The following EDARADD variants were observed in gnomAD, a reference collection of about 807,000 sequenced individuals.
The protein encoded by EDARADD is ectodysplasin-A receptor-associated adapter protein.
In EDARADD, 20 loss-of-function variants were observed where a neutral mutation model predicts 25.6. The observed-to-expected ratio is 0.78, with a 90% CI of 0.55 to 1.14. EDARADD has a LOEUF of 1.14. EDARADD is among the 50% of genes most tolerant of loss of function. The probability of loss-of-function intolerance (pLI) is 0.00; values close to 1 mark genes in which losing one functional copy is unlikely to be tolerated. For synonymous variants in EDARADD, 86 were observed against 94.4 expected (o/e 0.91, Z 0.52); for missense variants, 225 against 270.1 (o/e 0.83, Z 1.17).
In EDARADD at chr1:236,394,398, T is replaced by C. The variant is rs746558281; in HGVS notation, c.-47T>C. The C allele has an allele frequency of 1.9e-5, 31 of 1,607,672 alleles. No individual in the cohort carries two copies. The highest frequency in any genetic ancestry group is 2.6e-5 in the Non-Finnish European group (31 of 1,174,142). Reference sequence around the variant, plus strand: ...GCATCTTCTCGCAATCTGTTGCTTCTTCCATGGCAAACTCCAGAGAATTAA... The same window carrying C: ...GCATCTTCTCGCAATCTGTTGCTTCCTCCATGGCAAACTCCAGAGAATTAA... On this transcript the variant is annotated 5_prime_UTR_variant, in exon 1 of 6. Coordinates refer to ENST00000334232, the MANE Select transcript of EDARADD (RefSeq NM_145861.4).
intron 4 of EDARADD, among the ~76,000 whole-genome samples, chr1:236,467,168 T>C (rs1402539212): frequency 6.6e-6 from 1 of 151,538 alleles, no homozygotes; most frequent in Admixed American, 6.6e-5. Flanking sequence ...AGAGGCACTT[T>C]AGAGCTGAGC....
intron 3 of EDARADD, among the ~76,000 whole-genome samples, chr1:236,363,006 A>AATATATATATATAT (rs1184705463): frequency 4.9e-4 from 21 of 42,940 alleles, no homozygotes; most frequent in African/African-American, 1.0e-3. Context: ...AAAAAAAAAA[A>AATATATATATATAT]ATATATATAT....
Position 236,480,096 on chromosome 1 carries a change from CATATAT to C in EDARADD, c.266-2136_266-2131del, listed in dbSNP as rs72215388. On this transcript the variant is annotated intron_variant, in intron 5 of 5. Transcript: ENST00000334232. ...ATCTCAGTGTGCCTTTTAAGTATGC[CATATAT>C]ATATATATATATATATATATATATA... Among the ~76,000 whole-genome samples the C allele has an allele frequency of 4.2e-3, 326 of 77,826 alleles. 2 individuals are homozygous for C. Among genetic ancestry groups the C allele is most frequent in the Middle Eastern group, 0.019 (3 of 154 alleles). The allele number at this position is 77,826 out of a possible 152,430, so 51.1% of individuals were successfully genotyped here.
At chr1:236,416,367 A>G (rs563007538) in intron 3 of EDARADD, among the ~76,000 whole-genome samples, 12 of 152,352 alleles carry the variant, frequency 7.9e-5, no homozygotes, top group African/African-American at 2.9e-4. Flanking sequence ...ACTGTCTTAG[A>G]AAAAGACGGA....
intron 4 of EDARADD, among the ~76,000 whole-genome samples, chr1:236,441,354 T>G (rs1014611926): frequency 6.9e-5 from 10 of 144,184 alleles, no homozygotes. Context: ...TAAATATAAA[T>G]ATATATTTAT....
intron 3 of EDARADD, among the ~76,000 whole-genome samples, chr1:236,418,322 G>A (rs1657696076): frequency 6.6e-6 from 1 of 151,358 alleles, no homozygotes; most frequent in African/African-American, 2.4e-5. Context: ...TCGACTCACT[G>A]CAACCTTTGC....
chr1:236,462,761 A>G (rs1328613861), intron 4 of EDARADD, among the ~76,000 whole-genome samples: 1 of 152,212 alleles, frequency 6.6e-6, no homozygotes. Context: ...GCAGCAGTTA[A>G]TACATTTTGC....
chr1:236,432,944 A>G (rs79920285), intron 4 of EDARADD, among the ~76,000 whole-genome samples: 1 of 151,954 alleles, frequency 6.6e-6, no homozygotes, highest in South Asian at 2.1e-4. Context: ...AAAAAAAGAA[A>G]GAAAGAAAGA....
intron 3 of EDARADD, among the ~76,000 whole-genome samples, chr1:236,376,970 T>A (rs778855285): frequency 3.3e-5 from 5 of 152,034 alleles, no homozygotes; most frequent in African/African-American, 1.2e-4. Flanking sequence ...AATGAGTCCA[T>A]GAAAGACATT....
In EDARADD at chr1:236,468,285, T is replaced by G. The variant is rs367622669; in HGVS notation, c.265+9T>G. 1 of 1,613,806 alleles carries G rather than the reference T, an allele frequency of 6.2e-7. No homozygotes were observed. The highest frequency in any genetic ancestry group is 8.5e-7 in the Non-Finnish European group (1 of 1,179,814). ...TGGAGATCCTCTTCCAGGTAAATGA[T>G]TGATTCTAAAGCTATCTGGGCTAAT... On this transcript the variant is annotated intron_variant, in intron 5 of 5. Coordinates refer to ENST00000334232, the MANE Select transcript of EDARADD (RefSeq NM_145861.4).
At chr1:236,376,055 C>T (rs1011284299) in intron 3 of EDARADD, among the ~76,000 whole-genome samples, 1 of 151,102 alleles carries the variant, frequency 6.6e-6, no homozygotes, top group Admixed American at 6.6e-5. Context: ...CTTCTTCAGC[C>T]TCCCAAGTGA....
At chr1:236,446,889 T>C (rs999675961) in intron 4 of EDARADD, among the ~76,000 whole-genome samples, 1 of 152,202 alleles carries the variant, frequency 6.6e-6, no homozygotes, top group African/African-American at 2.4e-5. Flanking sequence ...CTGTAACGCA[T>C]GTGAATATTT....
Position 236,483,276 on chromosome 1 carries a change from G to A in EDARADD, c.*627G>A. 1 of 1,599,670 alleles carries A rather than the reference G, an allele frequency of 6.3e-7. No individual in the cohort carries two copies. The highest frequency in any genetic ancestry group is 1.1e-5 in the South Asian group (1 of 90,788). ...TCTCTTCAGAGCTGCTGTGCCCAGT[G>A]GTGCTTCAACTGGTATCTATGAGGT... On this transcript the variant is annotated 3_prime_UTR_variant, in exon 6 of 6. Coordinates refer to ENST00000334232, the MANE Select transcript of EDARADD (RefSeq NM_145861.4).
At chr1:236,379,095 C>T (rs529043724) in intron 3 of EDARADD, among the ~76,000 whole-genome samples, 2 of 152,238 alleles carry the variant, frequency 1.3e-5, no homozygotes, top group African/African-American at 4.8e-5. Flanking sequence ...GTCAGTCGGG[C>T]GCGGTGGCTC....
chr1:236,477,483 T>C (rs1659542216), intron 5 of EDARADD, among the ~76,000 whole-genome samples: 2 of 152,116 alleles, frequency 1.3e-5, no homozygotes, highest in South Asian at 4.1e-4. Flanking sequence ...AAGAAAACCG[T>C]ACAGTGTTTC....
chr1:236,383,386 CAAAAAA>C (rs35085475), intron 3 of EDARADD, among the ~76,000 whole-genome samples: 1 of 139,500 alleles, frequency 7.2e-6, no homozygotes, highest in Non-Finnish European at 1.5e-5. Flanking sequence ...GACTCCGTCT[CAAAAAA>C]AAAAAAAAAA....
intron 4 of EDARADD, among the ~76,000 whole-genome samples, chr1:236,463,228 C>T (rs114362173): frequency 0.03 from 4,606 of 152,298 alleles, 102 homozygotes; most frequent in Non-Finnish European, 0.044. Context: ...GTGTTGCCTT[C>T]CCTACTGCCC....
At chr1:236,405,735 T>C (rs529025843) in intron 1 of EDARADD, among the ~76,000 whole-genome samples, 52 of 37,762 alleles carry the variant, frequency 1.4e-3, no homozygotes, top group African/African-American at 4.3e-3. Context: ...TTTTCTTTCT[T>C]TCTTTCTTTC....
rs625444 is a variant in EDARADD at position 236,414,461 on chromosome 1, T to C, written c.160+162T>C. On this transcript the variant is annotated intron_variant, in intron 3 of 5. Coordinates refer to ENST00000334232, the MANE Select transcript of EDARADD (RefSeq NM_145861.4). ...TAATTGTCTCAGAAATTAATTTTTTTCTTTTTTAAATAGTATCTTTTAACC... is the reference window on the plus strand; with the variant it reads ...TAATTGTCTCAGAAATTAATTTTTTCCTTTTTTAAATAGTATCTTTTAACC... Among the ~76,000 whole-genome samples, 67,667 of 102,200 alleles carry C rather than the reference T, an allele frequency of 0.66. 17,419 individuals carry two copies. Among genetic ancestry groups the C allele is most frequent in the Non-Finnish European group, 0.71 (39,867 of 56,500 alleles). The allele number at this position is 102,200 out of a possible 152,430, so 67.0% of individuals were successfully genotyped here.
Sources: gnomAD v4.1 joint callset for allele counts (sites outside exome capture counted in the v4.1 genomes callset) on GRCh38, gnomAD v4.1.1 for gene constraint, MANE v1.5 for transcripts, NCBI Gene and HGNC (gene_info 2026-07-23, HGNC 2026-07-21) for gene names.